Variants in FIBP observed in about 807,000 individuals in gnomAD.
FIBP encodes acidic fibroblast growth factor intracellular-binding protein.
FIBP carries 29 observed loss-of-function variants against 40.5 expected under a neutral mutation model. The observed-to-expected ratio is 0.72, with a 90% CI of 0.53 to 0.98. The LOEUF (loss-of-function observed/expected upper bound fraction) is 0.98. Among genes scored for constraint, FIBP ranks in the 50% least tolerant of loss-of-function variants. The pLI is 0.00. For synonymous variants in FIBP, 215 were observed against 191.1 expected, an observed-to-expected ratio of 1.13 and a Z score of -1.03; for missense variants, 411 against 470.2, an observed-to-expected ratio of 0.87 and a Z score of 1.16.
chr11:65,883,880 T>C lies in FIBP; in HGVS notation c.*94A>G. 1 of 1,106,410 alleles carries C rather than the reference T, an allele frequency of 9.0e-7. No individual in the cohort carries two copies. Among genetic ancestry groups the C allele is most frequent in the Admixed American group, 2.0e-5 (1 of 49,718 alleles). 68.5% of individuals were successfully genotyped at this position (1,106,410 alleles called of 1,614,324 possible). A position where few individuals can be genotyped will look rare whatever the true frequency, so the allele number is the denominator to read the frequency against. Reference sequence around the variant, plus strand: ...GTGCTCAGAGACAGACACAGGCACATCTGCACGCCCCCCACTTGCTCCCCG... The same window carrying C: ...GTGCTCAGAGACAGACACAGGCACACCTGCACGCCCCCCACTTGCTCCCCG... On this transcript the variant is annotated 3_prime_UTR_variant, in exon 10 of 10. Transcript: ENST00000357519.
chr11:65,885,309 A>G, intron 5 of FIBP, 123 bp from the exon 6 acceptor site: 1 of 951,978 alleles, frequency 1.1e-6, no homozygotes, highest in South Asian at 1.4e-5. Context: ...AGTGTCAGAG[A>G]GATGGAGTGA....
chr11:65,886,255 G>A, intron 4 of FIBP, 67 bp downstream of exon 4: 4 of 1,040,362 alleles, frequency 3.8e-6, no homozygotes, highest in Non-Finnish European at 1.5e-6. Flanking sequence ...GTTTGGGGTA[G>A]GGAAGGTGGA....
intron 5 of FIBP, 134 bp downstream of exon 5, chr11:65,885,396 A>AG: frequency 8.9e-7 from 1 of 1,120,740 alleles, no homozygotes; most frequent in Non-Finnish European, 1.3e-6. Flanking sequence ...TTCTATGGGC[A>AG]GGGGGAGCCT....
rs776028169 is a variant in FIBP, at chr11:65,884,354, G to A, written c.1004+38C>T. ...GAGGTCCTGGCAGGTGGCAGGCTGG[G>A]GCAAAGCCAAGCTGGACAGGAGGAC... On this transcript the variant is annotated intron_variant, in intron 9 of 9. Transcript: ENST00000357519. 2.5e-6 allele frequency: 4 copies of A among 1,590,524 alleles called. No individual in the cohort carries two copies. In the Admixed American group the frequency reaches 6.8e-5, roughly 27 times the overall value.
chr11:65,888,353 G>A lies in FIBP; in HGVS notation c.66C>T (p.Leu22=). 6.4e-7 allele frequency: 1 copy of A among 1,558,242 alleles called. No individual in the cohort carries two copies. The highest frequency in any genetic ancestry group is 8.7e-7 in the Non-Finnish European group (1 of 1,150,670). The change falls in exon 1 of 10, where the codon CTC becomes CTT. Residue 22 remains leucine (L), a synonymous_variant. Transcript: ENST00000357519. ...TTLIDEDVYR[L]WLDGYSVTDA... Reference sequence around the variant, plus strand: ...ACGGACCCGAGTAACCATCGAGCCAGAGGCGATACACGTCCTCGTCGATAA... The same window carrying A: ...ACGGACCCGAGTAACCATCGAGCCAAAGGCGATACACGTCCTCGTCGATAA...
At chr11:65,887,775 G>A (rs777816953) in intron 2 of FIBP, 49 bp from the exon 3 acceptor site, 5 of 1,541,022 alleles carry the variant, frequency 3.2e-6, no homozygotes, top group Admixed American at 3.9e-5. Flanking sequence ...GACAGGAAAG[G>A]GAGTCTGGCG....
Position 65,888,083 on chromosome 11 carries a change from A to C in FIBP, c.135T>G (p.Thr45=), listed in dbSNP as rs114777258. 6.5e-5 allele frequency: 104 copies of C among 1,603,902 alleles called. No individual in the cohort carries two copies. In the African/African-American group the frequency reaches 1.0e-3, roughly 16 times the overall value. The change falls in exon 2 of 10, where the codon ACT becomes ACG. Residue 45 remains threonine (T), a synonymous_variant. Transcript: ENST00000357519. Reference sequence around the variant, plus strand: ...TCTGCAGCACCGCTGCCGTGGCGCCAGTCTGCTCCAGGATTCCCGAGCGCA... The same window carrying C: ...TCTGCAGCACCGCTGCCGTGGCGCCCGTCTGCTCCAGGATTCCCGAGCGCA... ...LRVRSGILEQ[T]GATAAVLQSD...
Position 65,884,904 on chromosome 11 carries a change from C to T in FIBP, c.819+31G>A, listed in dbSNP as rs1156316258. ...GTGGCGAACTGGAGGCTGAAGATGC[C>T]AAGGGTCAGAGGCTGGATGGGACCA... On this transcript the variant is annotated intron_variant, in intron 7 of 9. Transcript: ENST00000357519. 3.1e-6 allele frequency: 5 copies of T among 1,613,030 alleles called. No homozygotes were observed. The South Asian group carries it at 3.3e-5, about 11-fold the overall frequency.
chr11:65,888,295 C>T (rs1340368607), intron 1 of FIBP, 39 bp downstream of exon 1: 4 of 1,534,914 alleles, frequency 2.6e-6, no homozygotes, highest in Non-Finnish European at 3.5e-6. Context: ...TCAACACAAC[C>T]GCTCCGCCGA....
rs11559153 is a variant in FIBP at position 65,887,999 on chromosome 11, C to T, written c.219G>A (p.Pro73=). 1.4e-5 allele frequency: 23 copies of T among 1,613,190 alleles called. No homozygotes were observed. Among genetic ancestry groups the T allele is most frequent in the South Asian group, 4.4e-5 (4 of 90,986 alleles). ...AGATGAGCTGGTGCAGTAGCTTGGGCGGCGCATGCAGCAGCCGCTCGAGCA... is the reference window on the plus strand; with the variant it reads ...AGATGAGCTGGTGCAGTAGCTTGGGTGGCGCATGCAGCAGCCGCTCGAGCA... ...FHMLERLLHA[P]PKLLHQLIFQ... is the part of the protein sequence containing the mutation. Residue 73 remains proline, a synonymous_variant, in exon 2 of 10, where the codon CCG becomes CCA. Coordinates refer to ENST00000357519, the MANE Select transcript of FIBP (RefSeq NM_004214.5).
At chr11:65,886,967 TGGAGAAATGTAAGCCTAG>T (rs985914592) in intron 3 of FIBP, 2 of 169,214 alleles carry the variant, frequency 1.2e-5, no homozygotes, top group African/African-American at 4.8e-5. Flanking sequence ...AGCCTGGGGC[TGGAGAAATGTAAGCCTAG>T]AGAGGTCTGC....
intron 7 of FIBP, 22 bp from the exon 8 acceptor site, chr11:65,884,678 A>G: frequency 1.2e-6 from 2 of 1,612,980 alleles, no homozygotes. Context: ...GGATCCTTGG[A>G]GCTCTGCTTT....
chr11:65,883,899 C>T lies in FIBP; in HGVS notation c.*75G>A. 1 of 1,338,818 alleles carries T rather than the reference C, an allele frequency of 7.5e-7. No individual in the cohort carries two copies. Among genetic ancestry groups the T allele is most frequent in the African/African-American group, 1.4e-5 (1 of 70,058 alleles). The allele number at this position is 1,338,818 out of a possible 1,614,324, so 82.9% of individuals were successfully genotyped here. On this transcript the variant is annotated 3_prime_UTR_variant, in exon 10 of 10. Coordinates refer to ENST00000357519, the MANE Select transcript of FIBP (RefSeq NM_004214.5). Reference sequence around the variant, plus strand: ...GGCACATCTGCACGCCCCCCACTTGCTCCCCGGAGCGAGGACCAGTCTCCA... The same window carrying T: ...GGCACATCTGCACGCCCCCCACTTGTTCCCCGGAGCGAGGACCAGTCTCCA...
chr11:65,886,489 C>G, intron 3 of FIBP, 67 bp from the exon 4 acceptor site: 1 of 1,028,134 alleles, frequency 9.7e-7, no homozygotes, highest in South Asian at 1.3e-5. Flanking sequence ...ACCCAATAAA[C>G]CACTTATTGA....
At position 65,886,380 on chromosome 11, in the gene FIBP, G is replaced by GC; in HGVS notation, c.453dup (p.Arg152AlafsTer16). The GC allele has an allele frequency of 6.2e-7, 1 of 1,613,924 alleles. No individual in the cohort carries two copies. The highest frequency in any genetic ancestry group is 8.5e-7 in the Non-Finnish European group (1 of 1,179,936). ...TGAATATTGTCCACCAGGGAGCCCC[G>GC]CATTTCCTCTACCACCTTGAAGACC... On this transcript the variant is annotated frameshift_variant, in exon 4 of 10. Coordinates refer to ENST00000357519, the MANE Select transcript of FIBP (RefSeq NM_004214.5). LOFTEE classifies it high-confidence loss of function.
intron 9 of FIBP, 170 bp downstream of exon 9, chr11:65,884,222 T>C: frequency 2.6e-6 from 2 of 760,346 alleles, no homozygotes; most frequent in Non-Finnish European, 4.3e-6. Context: ...TTAAGAAACC[T>C]GCCCCAAATC....
chr11:65,886,272 T>C, intron 4 of FIBP, 50 bp downstream of exon 4: 2 of 1,326,734 alleles, frequency 1.5e-6, no homozygotes, highest in Non-Finnish European at 2.2e-6. Context: ...TGGACGAGCC[T>C]CCGGGCCCAG....
At chr11:65,887,051 C>A in intron 3 of FIBP, 1 of 228,190 alleles carries the variant, frequency 4.4e-6, no homozygotes, top group Non-Finnish European at 8.8e-6. Context: ...CAGCTGCTAC[C>A]CAGGAGGCAG....
At chr11:65,887,403 G>A (rs146056762) in intron 3 of FIBP, 197 bp downstream of exon 3, 82 of 619,866 alleles carry the variant, frequency 1.3e-4, no homozygotes, top group African/African-American at 1.2e-3. Context: ...CTGAGGTCGC[G>A]CCACTGCACT....
Sources: gnomAD v4.1 joint callset for allele counts on GRCh38, gnomAD v4.1.1 for gene constraint, MANE v1.5 for transcripts, NCBI Gene and HGNC (gene_info 2026-07-23, HGNC 2026-07-21) for gene names.